Variants in TMC6 observed in about 807,000 individuals in gnomAD.
TMC6 encodes transmembrane channel like 6.
TMC6 carries 71 observed loss-of-function variants against 95.4 expected under a neutral mutation model. That is an observed-to-expected ratio of 0.74 (90% CI 0.61 to 0.91). The LOEUF (loss-of-function observed/expected upper bound fraction) is 0.91, where lower values mean the gene tolerates loss of function less well. Ranked by LOEUF, TMC6 falls within the 40% of genes least tolerant of loss-of-function variation. TMC6 has a pLI of 0.00. For missense variants in TMC6, 1,074 were observed against 1,079.1 expected (o/e 1.00, Z 0.07); for synonymous variants, 514 against 483.1 (o/e 1.06, Z -0.84).
chr17:78,115,671 TG>T (rs2074054005), intron 18 of TMC6, among the ~76,000 whole-genome samples: 1 of 80,030 alleles, frequency 1.2e-5, no homozygotes, highest in African/African-American at 5.3e-5. Context: ...GCGAAGGGAG[TG>T]GGCACAGGGG....
At position 78,117,908 on chromosome 17, in the gene TMC6, G is replaced by A; in HGVS notation, c.1915C>T (p.Pro639Ser). The A allele has an allele frequency of 6.2e-7, 1 of 1,604,146 alleles. No homozygotes were observed. The highest frequency in any genetic ancestry group is 8.5e-7 in the Non-Finnish European group (1 of 1,176,196). Residue 639 changes from proline to serine, a missense_variant, in exon 16 of 20, where the codon CCG (proline) becomes TCG (serine). Transcript: ENST00000590602. Reference protein sequence around the residue: ...KTSLLANCQAPRRPWLASHMS... With the variant: ...KTSLLANCQASRRPWLASHMS... ...TGTGAGGCCAGCCAGGGCCGGCGCG[G>A]CGCCTGGCAGTTGGCCAGAAGGCTG...
chr17:78,116,571 G>A (rs916093734), intron 18 of TMC6, among the ~76,000 whole-genome samples: 37 of 150,038 alleles, frequency 2.5e-4, no homozygotes, highest in East Asian at 8.4e-4. Flanking sequence ...CACCACACCC[G>A]GTCAAACATT....
chr17:78,109,598 T>C lies in TMC6; in HGVS notation c.*3550A>G, dbSNP rs2073784063. On this transcript the variant is annotated 3_prime_UTR_variant, in exon 20 of 20. Coordinates refer to ENST00000590602, the MANE Select transcript of TMC6 (RefSeq NM_001127198.5). The stretch of plus-strand genomic sequence containing the variant: ...GTGAGCTGTGATCGTGCCACTGTGC[T>C]CCGGGATGGGCAACAGAAAGACCCC... 1 of 454,962 alleles carries C rather than the reference T, an allele frequency of 2.2e-6. No individual in the cohort carries two copies. Among genetic ancestry groups the C allele is most frequent in the Admixed American group, 2.4e-5 (1 of 42,404 alleles). The allele number at this position is 454,962 out of a possible 1,614,324, so 28.2% of individuals were successfully genotyped here.
rs1350001931 is a variant in TMC6 at position 78,113,103 on chromosome 17, G to A, written c.*45C>T. On this transcript the variant is annotated 3_prime_UTR_variant, in exon 20 of 20. Transcript: ENST00000590602. ...CAGGGTCACTGGGAGGCAACAGTGT[G>A]GTCTCAGGGTGCTGGGCGGGCCCGT... 6.5e-7 allele frequency: 1 copy of A among 1,545,478 alleles called. No individual in the cohort carries two copies. The highest frequency in any genetic ancestry group is 1.2e-5 in the South Asian group (1 of 83,912).
upstream of TMC6, chr17:78,131,425 G>T (rs2074961120): frequency 1.0e-6 from 1 of 955,590 alleles, no homozygotes; most frequent in Admixed American, 2.2e-5. Flanking sequence ...CCCTAGGGCT[G>T]CAGGAGCCCA....
At chr17:78,126,715 G>C (rs927552235) in intron 2 of TMC6, 62 bp downstream of exon 2, 47 of 1,611,742 alleles carry the variant, frequency 2.9e-5, no homozygotes, top group Non-Finnish European at 3.9e-5. Context: ...CCCCTGCTCA[G>C]GTGACCTCTC....
upstream of TMC6, chr17:78,132,292 T>A: frequency 6.3e-7 from 1 of 1,586,988 alleles, no homozygotes; most frequent in Non-Finnish European, 8.6e-7. Context: ...GGGCCCGCCC[T>A]TGGACTCTCA....
chr17:78,124,476 T>C (rs1567998687), intron 8 of TMC6, 48 bp downstream of exon 8: 2 of 1,598,840 alleles, frequency 1.3e-6, no homozygotes, highest in East Asian at 2.2e-5. Flanking sequence ...GGTACCAGGG[T>C]AGCAGAAGAC....
At position 78,121,281 on chromosome 17, in the gene TMC6, G is replaced by A. The variant is rs996274107; in HGVS notation, c.1384-117C>T. 28 of 1,481,110 alleles carry A rather than the reference G, an allele frequency of 1.9e-5. No individual in the cohort carries two copies. Among genetic ancestry groups the A allele is most frequent in the Non-Finnish European group, 2.4e-5 (26 of 1,099,784 alleles). The allele number at this position is 1,481,110 out of a possible 1,614,324, so 91.7% of individuals were successfully genotyped here. A position where few individuals can be genotyped will look rare whatever the true frequency, so the allele number is the denominator to read the frequency against. Reference sequence around the variant, plus strand: ...GTAGCACCTCCCTCCTCCAAGATCTGGCCCTCCCCAGGCCTCAAGTTCAAA... The same window carrying A: ...GTAGCACCTCCCTCCTCCAAGATCTAGCCCTCCCCAGGCCTCAAGTTCAAA... On this transcript the variant is annotated intron_variant, in intron 11 of 19. Transcript: ENST00000590602. This position sits in a 1 kb window ranked among gnomAD's most constrained non-coding sequence, Gnocchi z 5.6.
At chr17:78,131,448 G>A (rs1004184285), upstream of TMC6, 16 of 1,242,030 alleles carry the variant, frequency 1.3e-5, no homozygotes, top group Non-Finnish European at 1.6e-5. Flanking sequence ...CCCCGACGCC[G>A]GCGCAGAGGG....
chr17:78,125,038 T>C, intron 6 of TMC6, 53 bp from the exon 7 acceptor site: 1 of 1,545,608 alleles, frequency 6.5e-7, no homozygotes, highest in Non-Finnish European at 8.7e-7. Flanking sequence ...CCTGACTCTC[T>C]CCTTCCTGGA....
At chr17:78,127,025 C>T in intron 1 of TMC6, 119 bp from the exon 2 acceptor site, 2 of 662,088 alleles carry the variant, frequency 3.0e-6, no homozygotes, top group Non-Finnish European at 2.7e-6. Flanking sequence ...TCCCGCCCAC[C>T]CCCCTATCAC....
chr17:78,119,212 AG>A, intron 14 of TMC6, 84 bp downstream of exon 14: 1 of 1,556,456 alleles, frequency 6.4e-7, no homozygotes, highest in Non-Finnish European at 8.9e-7. Context: ...CTGTGGCCCC[AG>A]GGGGAGGCAG....
At chr17:78,129,951 C>A (rs557359833), upstream of TMC6, among the ~76,000 whole-genome samples, 2 of 152,260 alleles carry the variant, frequency 1.3e-5, 1 homozygote, top group South Asian at 4.1e-4. This position sits in a 1 kb window ranked among gnomAD's most constrained non-coding sequence, Gnocchi z 4.3. Context: ...ACATAGCTTG[C>A]GCCTGACACA....
In TMC6 at chr17:78,108,308, G is replaced by C. The variant is rs1261556094; in HGVS notation, c.*4840C>G. On this transcript the variant is annotated 3_prime_UTR_variant, in exon 20 of 20. Transcript: ENST00000590602. Reference sequence around the variant, plus strand: ...TGCTGGCTCTGACCATACTCTTTTGGAAATTGAGAAGGAAAGCATTGAGTG... The same window carrying C: ...TGCTGGCTCTGACCATACTCTTTTGCAAATTGAGAAGGAAAGCATTGAGTG... 6.5e-6 allele frequency: 1 copy of C among 154,542 alleles called. No individual in the cohort carries two copies. Among genetic ancestry groups the C allele is most frequent in the Non-Finnish European group, 1.5e-5 (1 of 68,244 alleles). 9.6% of individuals were successfully genotyped at this position (154,542 alleles called of 1,614,324 possible).
At position 78,125,763 on chromosome 17, in the gene TMC6, G is replaced by T; in HGVS notation, c.393C>A (p.Tyr131Ter). Reference protein sequence around the residue: ...VRSAWPSLRLYDLELDPTALE... With the variant: ...VRSAWPSLRL ...GGGCCGTGGGGTCCAGCTCCAGGTC[G>T]TACAGGCGGAGGCTGGGCCAGGCGG... is the stretch of plus-strand genomic sequence containing the variant. The change falls in exon 5 of 20, where the codon TAC becomes TAA. Residue 131 changes from tyrosine (Y) to a stop codon, truncating the protein, a stop_gained. Coordinates refer to ENST00000590602, the MANE Select transcript of TMC6 (RefSeq NM_001127198.5). LOFTEE classifies it high-confidence loss of function. The T allele has an allele frequency of 6.4e-7, 1 of 1,568,214 alleles. No homozygotes were observed. Among genetic ancestry groups the T allele is most frequent in the Non-Finnish European group, 8.6e-7 (1 of 1,156,956 alleles).
At position 78,112,956 on chromosome 17, in the gene TMC6, C is replaced by T. The variant is rs1448314449; in HGVS notation, c.*192G>A. ...CCCCTTTAATCAGAATAAATAGAGT[C>T]CCAGGCAGGGCAGAGTTCATTGGGG... On this transcript the variant is annotated 3_prime_UTR_variant, in exon 20 of 20. Transcript: ENST00000590602. The T allele has an allele frequency of 7.8e-6, 5 of 641,546 alleles. No homozygotes were observed. The highest frequency in any genetic ancestry group is 7.3e-5 in the African/African-American group (4 of 55,064). The allele number at this position is 641,546 out of a possible 1,614,324, so 39.7% of individuals were successfully genotyped here. A position where few individuals can be genotyped will look rare whatever the true frequency, so the allele number is the denominator to read the frequency against.
At position 78,111,688 on chromosome 17, in the gene TMC6, C is replaced by T. The variant is rs1240013759; in HGVS notation, c.*1460G>A. On this transcript the variant is annotated 3_prime_UTR_variant, in exon 20 of 20. Coordinates refer to ENST00000590602, the MANE Select transcript of TMC6 (RefSeq NM_001127198.5). Reference sequence around the variant, plus strand: ...TGTCTGCAGAGCACAGGAGCATCCCCATGGGATTGGGTGGGCTAGACCCAG... The same window carrying T: ...TGTCTGCAGAGCACAGGAGCATCCCTATGGGATTGGGTGGGCTAGACCCAG... 6.3e-6 allele frequency: 1 copy of T among 158,406 alleles called. No individual in the cohort carries two copies. Among genetic ancestry groups the T allele is most frequent in the Non-Finnish European group, 1.4e-5 (1 of 71,592 alleles). The allele number at this position is 158,406 out of a possible 1,614,324, so 9.8% of individuals were successfully genotyped here. A position where few individuals can be genotyped will look rare whatever the true frequency, so the allele number is the denominator to read the frequency against.
In TMC6 at chr17:78,111,946, C is replaced by T. The variant is rs1383516003; in HGVS notation, c.*1202G>A. 4.0e-6 allele frequency: 1 copy of T among 248,738 alleles called. No individual in the cohort carries two copies. The highest frequency in any genetic ancestry group is 2.4e-5 in the African/African-American group (1 of 41,100). 15.4% of individuals were successfully genotyped at this position (248,738 alleles called of 1,614,324 possible). The stretch of plus-strand genomic sequence containing the variant: ...CACTGGGGTCATGACGGGCTGGTCC[C>T]CGCAGGCCTGGAGCACTGGGGTCAT... On this transcript the variant is annotated 3_prime_UTR_variant, in exon 20 of 20. Coordinates refer to ENST00000590602, the MANE Select transcript of TMC6 (RefSeq NM_001127198.5).
Sources: gnomAD v4.1 joint callset for allele counts (sites outside exome capture counted in the v4.1 genomes callset) on GRCh38, gnomAD v4.1.1 for gene constraint, Gnocchi (gnomAD v3.1) non-coding constraint, MANE v1.5 for transcripts, NCBI Gene and HGNC (gene_info 2026-07-23, HGNC 2026-07-21) for gene names.